WWOX: variants seen among roughly 807,000 people sequenced by gnomAD.
The protein encoded by WWOX is WW domain-containing oxidoreductase.
In WWOX, 69 loss-of-function variants were observed where a neutral mutation model predicts 46.2. The observed-to-expected ratio is 1.49, with a 90% CI of 1.23 to 1.82. The LOEUF (loss-of-function observed/expected upper bound fraction) is 1.82. Among genes scored for constraint, WWOX ranks in the 40% most tolerant of loss-of-function variants. The pLI is 0.00. For missense variants in WWOX, 919 were observed against 542.6 expected (o/e 1.69, Z -6.89); for synonymous variants, 359 against 202.6 (o/e 1.77, Z -6.56).
At chr16:79,029,501 G>C (rs774321376) in intron 8 of WWOX, among the ~76,000 whole-genome samples, 1 of 152,136 alleles carries the variant, frequency 6.6e-6, no homozygotes, top group Non-Finnish European at 1.5e-5. Flanking sequence ...TTAGGATCTT[G>C]GGGCAGTGAG....
At chr16:78,364,639 C>T (rs918466188) in intron 5 of WWOX, among the ~76,000 whole-genome samples, 4 of 112,520 alleles carry the variant, frequency 3.6e-5, no homozygotes, top group Non-Finnish European at 7.8e-5. Flanking sequence ...TGACATTTAT[C>T]AGCCTGTTTG....
At chr16:78,842,470 TTCAACCTGGGTGAAAAAGTGA>T (rs1380202210) in intron 8 of WWOX, among the ~76,000 whole-genome samples, 2 of 151,538 alleles carry the variant, frequency 1.3e-5, no homozygotes, top group East Asian at 3.9e-4. Context: ...GCTACTTTAC[TTCAACCTGGGTGAAAAAGTGA>T]CACCCTGTTT....
chr16:78,445,835 G>T (rs2083546394), intron 8 of WWOX, among the ~76,000 whole-genome samples: 1 of 148,252 alleles, frequency 6.7e-6, no homozygotes, highest in Non-Finnish European at 1.5e-5. Flanking sequence ...CAGAGATCGT[G>T]CCACTGTACT....
At chr16:79,052,512 G>C (rs1372435757) in intron 8 of WWOX, among the ~76,000 whole-genome samples, 1 of 152,198 alleles carries the variant, frequency 6.6e-6, no homozygotes, top group Non-Finnish European at 1.5e-5. Flanking sequence ...ATTCACAATA[G>C]CAAAGACTTG....
chr16:79,196,583 A>G (rs1225308618), intron 8 of WWOX: 1 of 152,094 alleles, frequency 6.6e-6, no homozygotes, highest in Non-Finnish European at 1.5e-5. Flanking sequence ...CCAATCCCAT[A>G]AGCAGCCCTA....
chr16:79,073,150 GTTATTATTATTATTATTA>G lies in WWOX; in HGVS notation c.1057-138433_1057-138416del, dbSNP rs58438039. ...CTTTTTTACATTATAGTAGTTATTC[GTTATTATTATTATTATTA>G]TTATTATTATTATTATTATTATTAC... On this transcript the variant is annotated intron_variant, in intron 8 of 8. Transcript: ENST00000566780. Among the ~76,000 whole-genome samples, 11 of 143,116 alleles carry G rather than the reference GTTATTATTATTATTATTA, an allele frequency of 7.7e-5. 1 individual carries two copies. Among genetic ancestry groups the G allele is most frequent in the Non-Finnish European group, 1.1e-4 (7 of 66,246 alleles). The allele number at this position is 143,116 out of a possible 152,430, so 93.9% of individuals were successfully genotyped here.
chr16:78,890,350 A>C (rs1597112195), intron 8 of WWOX: 1 of 152,122 alleles, frequency 6.6e-6, no homozygotes, highest in African/African-American at 2.4e-5. Flanking sequence ...ATCATTCTTA[A>C]ATTTGACCTC....
chr16:79,002,927 A>G (rs571633844), intron 8 of WWOX, among the ~76,000 whole-genome samples: 1 of 152,366 alleles, frequency 6.6e-6, no homozygotes, highest in Non-Finnish European at 1.5e-5. Context: ...GAAATGCATT[A>G]GAGCTCAAAA....
intron 5 of WWOX, among the ~76,000 whole-genome samples, chr16:78,171,770 A>T (rs983731221): frequency 6.6e-6 from 1 of 152,206 alleles, no homozygotes; most frequent in Non-Finnish European, 1.5e-5. Context: ...AAAGGATGAT[A>T]TAAACAAGTC....
At chr16:79,007,263 A>G (rs1355650341) in intron 8 of WWOX, among the ~76,000 whole-genome samples, 1 of 152,210 alleles carries the variant, frequency 6.6e-6, no homozygotes, top group Non-Finnish European at 1.5e-5. Context: ...CTGGAGAATA[A>G]CAAAGGGAGG....
intron 8 of WWOX, among the ~76,000 whole-genome samples, chr16:78,939,958 C>G (rs1370165879): frequency 6.6e-6 from 1 of 152,220 alleles, no homozygotes; most frequent in Non-Finnish European, 1.5e-5. Flanking sequence ...ATAGAATATT[C>G]ATGGTTAGAC....
intron 8 of WWOX, among the ~76,000 whole-genome samples, chr16:78,641,476 C>T (rs1286602268): frequency 6.6e-6 from 1 of 152,036 alleles, no homozygotes; most frequent in Non-Finnish European, 1.5e-5. Context: ...CCACCCAATC[C>T]CCTCTCACGC....
intron 8 of WWOX, among the ~76,000 whole-genome samples, chr16:78,755,359 G>T (rs1354162454): frequency 1.3e-5 from 2 of 152,150 alleles, no homozygotes. Context: ...GCAGTGGGTA[G>T]CCCAGGACTC....
chr16:79,189,022 G>A (rs545359206), intron 8 of WWOX, among the ~76,000 whole-genome samples: 2 of 152,156 alleles, frequency 1.3e-5, no homozygotes, highest in East Asian at 3.9e-4. Flanking sequence ...GTGTGGAAGA[G>A]TTGACAGAGA....
At chr16:78,165,580 G>A (rs757599824) in intron 5 of WWOX, among the ~76,000 whole-genome samples, 5 of 152,098 alleles carry the variant, frequency 3.3e-5, no homozygotes, top group Non-Finnish European at 7.4e-5. Flanking sequence ...CCTGGGAGGA[G>A]GGGGAGGAGG....
At chr16:78,299,888 A>G (rs981585275) in intron 5 of WWOX, among the ~76,000 whole-genome samples, 5 of 152,020 alleles carry the variant, frequency 3.3e-5, no homozygotes, top group Admixed American at 6.6e-5. Flanking sequence ...TTTGGACTAA[A>G]ATTTGGGGCA....
intron 8 of WWOX, among the ~76,000 whole-genome samples, chr16:79,026,781 C>A (rs2047652237): frequency 2.0e-5 from 1 of 49,914 alleles, no homozygotes; most frequent in Non-Finnish European, 3.5e-5. Flanking sequence ...CCACGCCCGG[C>A]TAATTTTTTT....
At chr16:78,844,460 C>T (rs1597709638) in intron 8 of WWOX, among the ~76,000 whole-genome samples, 1 of 152,028 alleles carries the variant, frequency 6.6e-6, no homozygotes, top group East Asian at 1.9e-4. Flanking sequence ...ATAGGGAAGC[C>T]TTCTCTATTA....
chr16:78,836,761 G>A (rs1048061654), intron 8 of WWOX, among the ~76,000 whole-genome samples: 29 of 152,142 alleles, frequency 1.9e-4, no homozygotes, highest in Non-Finnish European at 3.1e-4. Flanking sequence ...CAGGATTTCT[G>A]ACCTAATTTC....
Sources: gnomAD v4.1 joint callset for allele counts (sites outside exome capture counted in the v4.1 genomes callset) on GRCh38, gnomAD v4.1.1 for gene constraint, MANE v1.5 for transcripts, NCBI Gene and HGNC (gene_info 2026-07-23, HGNC 2026-07-21) for gene names.